The following POLR1A variants were observed in gnomAD, a reference collection of about 807,000 sequenced individuals.
The protein encoded by POLR1A is DNA-directed RNA polymerase I subunit RPA1.
In POLR1A, 84 loss-of-function variants were observed where a neutral mutation model predicts 205.3. The observed-to-expected ratio is 0.41, with a 90% CI of 0.34 to 0.49. The LOEUF (loss-of-function observed/expected upper bound fraction) is 0.49, where lower values mean the gene tolerates loss of function less well. Among genes scored for constraint, POLR1A ranks in the 20% least tolerant of loss-of-function variants. The pLI is 0.22. For synonymous variants in POLR1A, 799 were observed against 863.7 expected, an observed-to-expected ratio of 0.93 and a Z score of 1.31; for missense variants, 1,645 against 2,204.5, an observed-to-expected ratio of 0.75 and a Z score of 5.08.
chr2:86,058,536 TG>T (rs1672940264), intron 14 of POLR1A, among the ~76,000 whole-genome samples: 1 of 143,872 alleles, frequency 7.0e-6, no homozygotes, highest in Non-Finnish European at 1.5e-5. Context: ...TATATCTTAA[TG>T]AAAAAAAAAA....
chr2:86,040,605 C>T (rs781006261), intron 24 of POLR1A, 46 bp from the exon 25 acceptor site: 1 of 1,399,516 alleles, frequency 7.1e-7, no homozygotes. Flanking sequence ...TGGCAGGGGT[C>T]AGGAGCAGAC....
chr2:86,089,753 G>A, intron 4 of POLR1A, 69 bp downstream of exon 4: 1 of 989,988 alleles, frequency 1.0e-6, no homozygotes, highest in Non-Finnish European at 1.6e-6. Context: ...TATATGCAAA[G>A]GACAACACAG....
Position 86,075,256 on chromosome 2 carries a change from A to C in POLR1A, c.1385T>G (p.Phe462Cys), listed in dbSNP as rs767566341. The C allele has an allele frequency of 6.3e-7, 1 of 1,599,288 alleles. No homozygotes were observed. The highest frequency in any genetic ancestry group is 8.5e-7 in the Non-Finnish European group (1 of 1,170,306). The stretch of plus-strand genomic sequence containing the variant: ...CTGTGGGTAGGTCAGTTTTGTGGCA[A>C]ACACCTGGAAATGAGGAATGGAGGT... ...NTNEIGIPMV[F>C]ATKLTYPQPV... is the part of the protein sequence containing the mutation. Residue 462 changes from phenylalanine (F) to cysteine (C), a missense_variant, in exon 12 of 34, where the codon TTT (phenylalanine) becomes TGT (cysteine). By Grantham distance (205) the Phe-to-Cys change is radical. This residue lies in a region of POLR1A where 131 missense variants were observed against 214.5 expected (regional missense o/e 0.61). Coordinates refer to ENST00000263857, the MANE Select transcript of POLR1A (RefSeq NM_015425.6).
chr2:86,055,281 T>C (rs187099160), intron 14 of POLR1A, among the ~76,000 whole-genome samples: 6 of 144,022 alleles, frequency 4.2e-5, no homozygotes, highest in African/African-American at 7.5e-5. Flanking sequence ...GGTGAGAGAG[T>C]GGAACTCTGT....
chr2:86,071,904 C>G (rs1673185753), intron 12 of POLR1A, among the ~76,000 whole-genome samples: 1 of 152,200 alleles, frequency 6.6e-6, no homozygotes, highest in Admixed American at 6.5e-5. Context: ...ATTATGAAGA[C>G]TTGGTGAAAT....
chr2:86,081,066 G>T, intron 8 of POLR1A, 88 bp from the exon 9 acceptor site: 1 of 1,223,206 alleles, frequency 8.2e-7, no homozygotes. Context: ...ACTGTAGGGA[G>T]CACACCCCAC....
chr2:86,043,728 C>T (rs1672659175), intron 22 of POLR1A, among the ~76,000 whole-genome samples: 1 of 152,182 alleles, frequency 6.6e-6, no homozygotes, highest in Non-Finnish European at 1.5e-5. Flanking sequence ...GGCCCATGTT[C>T]AAATGCTGGC....
At chr2:86,057,720 T>C (rs1472016160) in intron 14 of POLR1A, among the ~76,000 whole-genome samples, 4 of 152,234 alleles carry the variant, frequency 2.6e-5, no homozygotes, top group Non-Finnish European at 5.9e-5. Flanking sequence ...TATTGTTTGA[T>C]ACAACTTATA....
At chr2:86,104,113 T>G (rs1182241100) in intron 1 of POLR1A, among the ~76,000 whole-genome samples, 2 of 152,138 alleles carry the variant, frequency 1.3e-5, no homozygotes, top group African/African-American at 2.4e-5. Flanking sequence ...TTGGAGGGTT[T>G]TAAGGGTGAC....
chr2:86,080,138 C>G (rs149974102), intron 9 of POLR1A, among the ~76,000 whole-genome samples: 90 of 152,226 alleles, frequency 5.9e-4, no homozygotes, highest in African/African-American at 2.2e-3. Context: ...TCTGAGAACC[C>G]GGACTGTCTA....
intron 20 of POLR1A, 25 bp downstream of exon 20, chr2:86,045,592 T>C (rs371581864): frequency 1.2e-6 from 2 of 1,613,486 alleles, no homozygotes; most frequent in African/African-American, 2.7e-5. Flanking sequence ...GGGAAAAAGC[T>C]AAATGGAAAA....
At chr2:86,100,208 G>A (rs929664647) in intron 1 of POLR1A, 36 bp from the exon 2 acceptor site, 1 of 1,473,152 alleles carries the variant, frequency 6.8e-7, no homozygotes, top group South Asian at 1.1e-5. Flanking sequence ...GAAAGCTAAA[G>A]TTACCAACCT....
Position 86,028,540 on chromosome 2 carries a change from T to C in POLR1A, c.4897+54A>G. On this transcript the variant is annotated intron_variant, in intron 32 of 33. Transcript: ENST00000263857. This position sits in a 1 kb window ranked among gnomAD's most constrained non-coding sequence, Gnocchi z 4.5. ...GTCCTGACCCTCCTGCCGAGCCTTC[T>C]GGTGTCCTGGCTGGTGCCCAGACCT... 1 of 1,301,008 alleles carries C rather than the reference T, an allele frequency of 7.7e-7. No homozygotes were observed. Among genetic ancestry groups the C allele is most frequent in the Non-Finnish European group, 1.1e-6 (1 of 894,302 alleles). 80.6% of individuals were successfully genotyped at this position (1,301,008 alleles called of 1,614,324 possible). A position where few individuals can be genotyped will look rare whatever the true frequency, so the allele number is the denominator to read the frequency against.
In POLR1A at chr2:86,080,984, G is replaced by A. The variant is rs746069415; in HGVS notation, c.924-6C>T. 16 of 1,607,864 alleles carry A rather than the reference G, an allele frequency of 1.0e-5. 1 individual carries two copies. In the South Asian group the frequency reaches 1.6e-4, roughly 16 times the overall value. Reference sequence around the variant, plus strand: ...GGCGACTGACTGGGCGATACCTGCAGGGGGACATACGGAATAAATGAATGT... The same window carrying A: ...GGCGACTGACTGGGCGATACCTGCAAGGGGACATACGGAATAAATGAATGT... On this transcript the variant is annotated splice_polypyrimidine_tract_variant and splice_region_variant and intron_variant, in intron 8 of 33. Coordinates refer to ENST00000263857, the MANE Select transcript of POLR1A (RefSeq NM_015425.6).
At chr2:86,099,693 T>C (rs1673778351) in intron 2 of POLR1A, among the ~76,000 whole-genome samples, 1 of 152,076 alleles carries the variant, frequency 6.6e-6, no homozygotes. Flanking sequence ...ACAAAAGGTG[T>C]AGGGAATGAA....
At position 86,033,752 on chromosome 2, in the gene POLR1A, T is replaced by C; in HGVS notation, c.4070A>G (p.Lys1357Arg). 1.9e-6 allele frequency: 3 copies of C among 1,614,114 alleles called. No individual in the cohort carries two copies. Among genetic ancestry groups the C allele is most frequent in the African/African-American group, 2.7e-5 (2 of 75,074 alleles). Reference sequence around the variant, plus strand: ...CCTGAAAGCTGATGCTTTATTATTCTTCTTTTTGATGGATTCCATCAGAAG... The same window carrying C: ...CCTGAAAGCTGATGCTTTATTATTCCTCTTTTTGATGGATTCCATCAGAAG... Reference protein sequence around the residue: ...FKLLMESIKKKNNKASAFRNV... With the variant: ...FKLLMESIKKRNNKASAFRNV... The change falls in exon 28 of 34, where the codon AAG becomes AGG. Residue 1357 changes from lysine (K) to arginine (R), a missense_variant. This residue lies in a region of POLR1A where 394 missense variants were observed against 468.5 expected (regional missense o/e 0.84). Coordinates refer to ENST00000263857, the MANE Select transcript of POLR1A (RefSeq NM_015425.6).
intron 6 of POLR1A, among the ~76,000 whole-genome samples, chr2:86,087,259 G>A (rs575750171): frequency 1.0e-3 from 159 of 152,202 alleles, no homozygotes; most frequent in Non-Finnish European, 1.9e-3. Flanking sequence ...TATTAAACAG[G>A]TTTTTCATTT....
At position 86,047,147 on chromosome 2, in the gene POLR1A, A is replaced by G; in HGVS notation, c.2733+18T>C. 6.3e-7 allele frequency: 1 copy of G among 1,592,648 alleles called. No individual in the cohort carries two copies. The highest frequency in any genetic ancestry group is 8.6e-7 in the Non-Finnish European group (1 of 1,161,150). On this transcript the variant is annotated intron_variant, in intron 19 of 33. Coordinates refer to ENST00000263857, the MANE Select transcript of POLR1A (RefSeq NM_015425.6). ...TTTGCTGACACCTGTAAAGCTGCCA[A>G]CCCGCCTCTGCACATACCTGCATCG...
intron 28 of POLR1A, 80 bp from the exon 29 acceptor site, chr2:86,032,462 C>T: frequency 1.1e-6 from 1 of 924,446 alleles, no homozygotes; most frequent in East Asian, 2.4e-5. Flanking sequence ...CCCACCAACC[C>T]ATCCATCCAT....
Sources: gnomAD v4.1 joint callset for allele counts (sites outside exome capture counted in the v4.1 genomes callset) on GRCh38, gnomAD v4.1.1 for gene constraint, gnomAD v4.1.1 regional missense constraint, Gnocchi (gnomAD v3.1) non-coding constraint, MANE v1.5 for transcripts, NCBI Gene and HGNC (gene_info 2026-07-23, HGNC 2026-07-21) for gene names.